The following PRKN variants were observed in gnomAD, a reference collection of about 807,000 sequenced individuals.
PRKN encodes the protein E3 ubiquitin-protein ligase parkin.
A neutral mutation model predicts 59.5 loss-of-function variants in PRKN; 56 were observed. The observed-to-expected ratio is 0.94, with a 90% confidence interval of 0.76 to 1.18. The LOEUF (loss-of-function observed/expected upper bound fraction) is 1.18. PRKN is among the 50% of genes most tolerant of loss of function. The pLI is 0.00. For synonymous variants in PRKN, 250 were observed against 222.1 expected, an observed-to-expected ratio of 1.13 and a Z score of -1.12; for missense variants, 657 against 596.4, an observed-to-expected ratio of 1.10 and a Z score of -1.06.
At chr6:162,341,169 C>G (rs1014817144) in intron 2 of PRKN, among the ~76,000 whole-genome samples, 1 of 152,146 alleles carries the variant, frequency 6.6e-6, no homozygotes, top group Non-Finnish European at 1.5e-5. Context: ...CTCATCATCA[C>G]TGGTCATTAG....
intron 6 of PRKN, among the ~76,000 whole-genome samples, chr6:161,934,720 T>A (rs1383983867): frequency 6.6e-6 from 1 of 152,174 alleles, no homozygotes; most frequent in Non-Finnish European, 1.5e-5. Context: ...TATATGTTGT[T>A]ACTTTGAGAG....
intron 1 of PRKN, among the ~76,000 whole-genome samples, chr6:162,580,005 GATT>G (rs1163778146): frequency 1.4e-4 from 21 of 152,186 alleles, no homozygotes; most frequent in Non-Finnish European, 2.9e-5. Flanking sequence ...CATTATTTTA[GATT>G]ATTTTCTCAG....
At chr6:161,590,868 T>C (rs1198247507) in intron 7 of PRKN, among the ~76,000 whole-genome samples, 1 of 152,040 alleles carries the variant, frequency 6.6e-6, no homozygotes, top group African/African-American at 2.4e-5. Context: ...AGACTAGACA[T>C]AATAGTCTAG....
chr6:161,770,341 A>G (rs1789612315), intron 7 of PRKN, among the ~76,000 whole-genome samples: 1 of 152,134 alleles, frequency 6.6e-6, no homozygotes, highest in African/African-American at 2.4e-5. Context: ...TTTAAAAACT[A>G]TTTCAGAATT....
chr6:162,364,724 A>G (rs1053159351), intron 2 of PRKN, among the ~76,000 whole-genome samples: 1 of 152,126 alleles, frequency 6.6e-6, no homozygotes, highest in Non-Finnish European at 1.5e-5. Context: ...TGGCTGCACA[A>G]CTGACATGGT....
Position 161,400,566 on chromosome 6 carries a change from A to G in PRKN, c.1084-13689T>C, listed in dbSNP as rs1786985632. Among the ~76,000 whole-genome samples the G allele has an allele frequency of 1.3e-5, 2 of 152,018 alleles. 1 individual carries two copies. Among genetic ancestry groups the G allele is most frequent in the South Asian group, 4.1e-4 (2 of 4,822 alleles). ...TGACCTCAGGTAATCCGTTCCCCTC[A>G]GCCTCCCAAAGTGCTGGGATTACAG... On this transcript the variant is annotated intron_variant, in intron 9 of 11. Transcript: ENST00000366898. The surrounding 1 kb of genome is among the most constrained non-coding windows in gnomAD (Gnocchi z 4.2).
intron 2 of PRKN, among the ~76,000 whole-genome samples, chr6:162,389,454 A>C (rs1428499941): frequency 6.6e-6 from 1 of 152,208 alleles, no homozygotes; most frequent in Non-Finnish European, 1.5e-5. Flanking sequence ...CAATGATTAA[A>C]AGAAATAAAA....
chr6:161,415,922 G>A (rs891326905), intron 9 of PRKN, among the ~76,000 whole-genome samples: 4 of 151,870 alleles, frequency 2.6e-5, no homozygotes, highest in Non-Finnish European at 5.9e-5. Flanking sequence ...TGCGTCACTC[G>A]ACTGGGAATG....
intron 3 of PRKN, among the ~76,000 whole-genome samples, chr6:162,222,452 G>A (rs1023042519): frequency 6.6e-6 from 1 of 152,172 alleles, no homozygotes; most frequent in African/African-American, 2.4e-5. Context: ...AGAGTCCCAC[G>A]TGTCAGGGCA....
chr6:162,423,161 A>G (rs967735966), intron 2 of PRKN, among the ~76,000 whole-genome samples: 2 of 151,866 alleles, frequency 1.3e-5, no homozygotes, highest in Non-Finnish European at 2.9e-5. Context: ...CTGGGGTTAC[A>G]TTCCTAGATA....
At chr6:162,067,079 G>T (rs955447698) in intron 4 of PRKN, among the ~76,000 whole-genome samples, 14 of 151,876 alleles carry the variant, frequency 9.2e-5, no homozygotes, top group African/African-American at 3.4e-4. Context: ...TTTCTCTCCT[G>T]TTTGTAATAT....
chr6:161,492,807 C>T (rs1777608755), intron 9 of PRKN, among the ~76,000 whole-genome samples: 1 of 152,158 alleles, frequency 6.6e-6, no homozygotes, highest in Non-Finnish European at 1.5e-5. Context: ...ATCTCTGCAG[C>T]CAAAATGGCA....
chr6:161,608,634 G>C (rs1048992253), intron 7 of PRKN, among the ~76,000 whole-genome samples: 2 of 151,966 alleles, frequency 1.3e-5, no homozygotes, highest in Admixed American at 6.6e-5. Flanking sequence ...CCAGGTTCAA[G>C]TGATTCTCCT....
chr6:161,348,761 T>C lies in PRKN; in HGVS notation c.*1338A>G. On this transcript the variant is annotated 3_prime_UTR_variant, in exon 12 of 12. Coordinates refer to ENST00000366898, the MANE Select transcript of PRKN (RefSeq NM_004562.3). This position sits in a 1 kb window ranked among gnomAD's most constrained non-coding sequence, Gnocchi z 4.9. ...CCCTCAGTTATGTTCACGATCTTCC[T>C]GAGAAGTCAGACAATACAGGTAGAA... 4.8e-6 allele frequency: 1 copy of C among 209,532 alleles called. No individual in the cohort carries two copies. The highest frequency in any genetic ancestry group is 9.7e-6 in the Non-Finnish European group (1 of 102,940). 13.0% of individuals were successfully genotyped at this position (209,532 alleles called of 1,614,324 possible).
intron 1 of PRKN, among the ~76,000 whole-genome samples, chr6:162,539,047 G>C (rs1454183791): frequency 6.6e-6 from 1 of 152,148 alleles, no homozygotes; most frequent in Non-Finnish European, 1.5e-5. Flanking sequence ...ACATGAAGAA[G>C]GATCGCCTTA....
chr6:162,591,614 T>C (rs1201940038), intron 1 of PRKN, among the ~76,000 whole-genome samples: 2 of 152,118 alleles, frequency 1.3e-5, no homozygotes, highest in Non-Finnish European at 2.9e-5. Context: ...TATCACCTAA[T>C]ATATAAGCTT....
In PRKN at chr6:161,444,886, G is replaced by A. The variant is rs1176976891; in HGVS notation, c.1084-58009C>T. ...AATAGATTTATTCCTGTTTTGCTAA[G>A]GTATGTAATAGTTATTTATTTTTAA... On this transcript the variant is annotated intron_variant, in intron 9 of 11. Transcript: ENST00000366898. The surrounding 1 kb of genome is among the most constrained non-coding windows in gnomAD (Gnocchi z 5.6). Among the ~76,000 whole-genome samples, 1 of 152,066 alleles carries A rather than the reference G, an allele frequency of 6.6e-6. No individual in the cohort carries two copies. Among genetic ancestry groups the A allele is most frequent in the Admixed American group, 6.5e-5 (1 of 15,274 alleles).
At chr6:162,652,645 TAGAA>T (rs1004778747) in intron 1 of PRKN, among the ~76,000 whole-genome samples, 50 of 152,244 alleles carry the variant, frequency 3.3e-4, no homozygotes, top group African/African-American at 1.0e-3. Flanking sequence ...ACTCTTCTAT[TAGAA>T]TTGAGACCAG....
intron 6 of PRKN, among the ~76,000 whole-genome samples, chr6:161,856,229 G>A (rs966888481): frequency 6.6e-5 from 10 of 152,132 alleles, no homozygotes; most frequent in South Asian, 2.1e-4. Flanking sequence ...GCATGAGGGC[G>A]GGCACCTGTA....
Sources: gnomAD v4.1 joint callset for allele counts (sites outside exome capture counted in the v4.1 genomes callset) on GRCh38, gnomAD v4.1.1 for gene constraint, Gnocchi (gnomAD v3.1) non-coding constraint, MANE v1.5 for transcripts, NCBI Gene and HGNC (gene_info 2026-07-23, HGNC 2026-07-21) for gene names.